The following RERE variants were observed in gnomAD, a reference collection of about 807,000 sequenced individuals.
RERE encodes the protein arginine-glutamic acid dipeptide repeats, also known as arginine-glutamic acid dipeptide repeats protein.
RERE carries 40 observed loss-of-function variants against 146.1 expected under a neutral mutation model. That is an observed-to-expected ratio of 0.27 (90% CI 0.21 to 0.36). RERE has a LOEUF of 0.36. Among genes scored for constraint, RERE ranks in the 10% least tolerant of loss-of-function variants. The pLI is 1.00. For missense variants in RERE, 1,933 were observed against 2,138.7 expected (o/e 0.90, Z 1.90); for synonymous variants, 1,003 against 866.0 (o/e 1.16, Z -2.78).
intron 2 of RERE, among the ~76,000 whole-genome samples, chr1:8,649,127 C>T (rs1647470107): frequency 6.6e-6 from 1 of 152,124 alleles, no homozygotes; most frequent in African/African-American, 2.4e-5. Flanking sequence ...ATATCCTATG[C>T]TAAAGAAGCC....
intron 11 of RERE, chr1:8,424,557 G>A (rs1216628979): frequency 6.6e-6 from 1 of 152,258 alleles, no homozygotes. Flanking sequence ...AGTGTGAGGA[G>A]TGACCTTTGT....
chr1:8,756,945 G>C (rs1640649813), intron 1 of RERE, among the ~76,000 whole-genome samples: 2 of 152,062 alleles, frequency 1.3e-5, no homozygotes, highest in African/African-American at 4.8e-5. Context: ...CAAAAAATTA[G>C]TCAGGCATGG....
chr1:8,683,208 A>G (rs1639012701), intron 1 of RERE, among the ~76,000 whole-genome samples: 1 of 152,182 alleles, frequency 6.6e-6, no homozygotes, highest in Non-Finnish European at 1.5e-5. Context: ...ATGCAGGCCC[A>G]GCCTCACGCC....
intron 1 of RERE, among the ~76,000 whole-genome samples, chr1:8,805,520 G>A (rs753111818): frequency 1.3e-5 from 2 of 151,972 alleles, no homozygotes; most frequent in Non-Finnish European, 2.9e-5. Flanking sequence ...ATGGTGGCAG[G>A]CGCCTGTAGT....
intron 12 of RERE, among the ~76,000 whole-genome samples, chr1:8,400,605 G>A (rs1006505050): frequency 1.3e-5 from 2 of 151,840 alleles, no homozygotes; most frequent in Non-Finnish European, 2.9e-5. Context: ...TTGTCCAATT[G>A]TGTCATATAG....
intron 1 of RERE, among the ~76,000 whole-genome samples, chr1:8,689,147 G>A (rs913863486): frequency 2.6e-5 from 4 of 151,994 alleles, no homozygotes; most frequent in Non-Finnish European, 5.9e-5. Context: ...AATGGAAAAT[G>A]GAGCAAATTA....
chr1:8,438,266 T>TG (rs34976449), intron 11 of RERE, among the ~76,000 whole-genome samples: 100,036 of 152,068 alleles, frequency 0.66, 34,353 homozygotes, highest in African/African-American at 0.84. Context: ...GTTGGGATTA[T>TG]GGCATGAGCC....
intron 8 of RERE, among the ~76,000 whole-genome samples, chr1:8,503,687 AAAT>A (rs1056107306): frequency 3.3e-5 from 5 of 152,208 alleles, no homozygotes; most frequent in African/African-American, 9.7e-5. Flanking sequence ...TAAGAAGCTT[AAAT>A]AATAATAATC....
At chr1:8,813,262 T>C (rs1433454325) in intron 1 of RERE, among the ~76,000 whole-genome samples, 6 of 152,242 alleles carry the variant, frequency 3.9e-5, no homozygotes, top group Non-Finnish European at 8.8e-5. Context: ...GTTACACTAA[T>C]GACTCACTTA....
chr1:8,425,358 A>T (rs1643996793), intron 11 of RERE: 1 of 152,318 alleles, frequency 6.6e-6, no homozygotes, highest in Admixed American at 6.5e-5. Context: ...ACATTCTGAG[A>T]TGTCATCTGG....
chr1:8,631,471 C>T (rs945228620), intron 2 of RERE, among the ~76,000 whole-genome samples: 2 of 152,166 alleles, frequency 1.3e-5, no homozygotes, highest in Admixed American at 6.5e-5. Context: ...GCATGACCCC[C>T]GCTTCCCAAA....
At chr1:8,693,134 A>C (rs1435395328) in intron 1 of RERE, among the ~76,000 whole-genome samples, 1 of 152,218 alleles carries the variant, frequency 6.6e-6, no homozygotes, top group African/African-American at 2.4e-5. Context: ...ACTCTCATTC[A>C]TTGCTTGTGG....
intron 1 of RERE, among the ~76,000 whole-genome samples, chr1:8,705,263 A>T (rs572705229): frequency 6.6e-6 from 1 of 152,148 alleles, no homozygotes; most frequent in African/African-American, 2.4e-5. Flanking sequence ...ATGCCACTCA[A>T]ATTCTTTTGT....
At chr1:8,385,979 A>AG (rs1326638776) in intron 12 of RERE, among the ~76,000 whole-genome samples, 1 of 31,894 alleles carries the variant, frequency 3.1e-5, no homozygotes, top group African/African-American at 1.4e-4. Context: ...AAAAAAAAAA[A>AG]AAAAAAAAAA....
intron 2 of RERE, among the ~76,000 whole-genome samples, chr1:8,654,409 T>C (rs1025588907): frequency 1.3e-5 from 2 of 152,180 alleles, no homozygotes; most frequent in Non-Finnish European, 2.9e-5. Flanking sequence ...GTGAAGTTCA[T>C]AACAGTAACA....
chr1:8,411,335 A>T (rs376267289), intron 12 of RERE, among the ~76,000 whole-genome samples: 26 of 119,982 alleles, frequency 2.2e-4, no homozygotes, highest in African/African-American at 6.4e-4. Context: ...TTTTTTTTTT[A>T]AAGAGATGGG....
chr1:8,706,767 T>C (rs561581886), intron 1 of RERE, among the ~76,000 whole-genome samples: 6 of 152,296 alleles, frequency 3.9e-5, no homozygotes, highest in Non-Finnish European at 7.4e-5. Flanking sequence ...TCTTTCCACC[T>C]AGGAACTCAA....
chr1:8,556,100 C>T (rs924441885), intron 6 of RERE, among the ~76,000 whole-genome samples: 1 of 152,012 alleles, frequency 6.6e-6, no homozygotes, highest in East Asian at 1.9e-4. Context: ...TTTTTCCCAC[C>T]TCAGCTTCCC....
chr1:8,411,128 G>GATA (rs1461218286), intron 12 of RERE, among the ~76,000 whole-genome samples: 1 of 152,130 alleles, frequency 6.6e-6, no homozygotes, highest in African/African-American at 2.4e-5. Context: ...ATGAGTCTAA[G>GATA]ATATATTGGA....
Sources: gnomAD v4.1 joint callset for allele counts (sites outside exome capture counted in the v4.1 genomes callset) on GRCh38, gnomAD v4.1.1 for gene constraint, MANE v1.5 for transcripts, NCBI Gene and HGNC (gene_info 2026-07-23, HGNC 2026-07-21) for gene names.